Variants in EXOC4 observed in about 807,000 individuals in gnomAD.
EXOC4 encodes SEC8-like 1.
EXOC4 carries 71 observed loss-of-function variants against 107.2 expected under a neutral mutation model. The observed-to-expected ratio is 0.66, with a 90% CI of 0.55 to 0.81. The LOEUF (loss-of-function observed/expected upper bound fraction) is 0.81, where lower values mean the gene tolerates loss of function less well. Among genes scored for constraint, EXOC4 ranks in the 30% least tolerant of loss-of-function variants. EXOC4 has a pLI of 0.00. For missense variants in EXOC4, 1,108 were observed against 1,189.6 expected, an observed-to-expected ratio of 0.93 and a Z score of 1.01; for synonymous variants, 456 against 441.2, an observed-to-expected ratio of 1.03 and a Z score of -0.42.
intron 17 of EXOC4, among the ~76,000 whole-genome samples, chr7:134,030,522 C>T (rs1297090638): frequency 6.6e-6 from 1 of 152,130 alleles, no homozygotes; most frequent in South Asian, 2.1e-4. Flanking sequence ...GCTAGAGGAC[C>T]CCACAGCTTA....
intron 5 of EXOC4, among the ~76,000 whole-genome samples, chr7:133,349,142 T>A (rs1011510110): frequency 4.2e-5 from 6 of 141,654 alleles, no homozygotes; most frequent in Non-Finnish European, 7.8e-5. Flanking sequence ...TTTTTTTTTT[T>A]ATTGTGGTAA....
chr7:133,616,237 C>G (rs1006459617), intron 9 of EXOC4, among the ~76,000 whole-genome samples: 2 of 152,060 alleles, frequency 1.3e-5, no homozygotes, highest in Non-Finnish European at 2.9e-5. Flanking sequence ...TTTGGTTTAT[C>G]TTGTAATAGC....
chr7:133,572,954 A>G (rs1801055034), intron 9 of EXOC4, among the ~76,000 whole-genome samples: 1 of 152,184 alleles, frequency 6.6e-6, no homozygotes, highest in Non-Finnish European at 1.5e-5. Flanking sequence ...TGAATTTTTG[A>G]GTTAGACGTC....
chr7:133,669,553 CA>C (rs1793899026), intron 10 of EXOC4, among the ~76,000 whole-genome samples: 1 of 145,178 alleles, frequency 6.9e-6, no homozygotes, highest in Admixed American at 7.0e-5. Context: ...AAATAATATT[CA>C]AACACAGCAG....
intron 3 of EXOC4, among the ~76,000 whole-genome samples, chr7:133,291,383 A>AT (rs372299756): frequency 0.012 from 1,580 of 132,476 alleles, 19 homozygotes; most frequent in African/African-American, 0.019. Flanking sequence ...TTGTTATGTG[A>AT]TTTTTTTTTT....
intron 11 of EXOC4, among the ~76,000 whole-genome samples, chr7:133,865,845 C>A (rs1435540534): frequency 2.6e-5 from 4 of 152,178 alleles, no homozygotes; most frequent in African/African-American, 9.7e-5. Context: ...TCTCACCAAG[C>A]CCCTCTTCCA....
At chr7:133,408,975 C>T (rs1410036708) in intron 7 of EXOC4, among the ~76,000 whole-genome samples, 4 of 152,002 alleles carry the variant, frequency 2.6e-5, no homozygotes, top group Admixed American at 2.6e-4. Context: ...GTGTTAGGAC[C>T]ATCTTATATA....
intron 14 of EXOC4, among the ~76,000 whole-genome samples, chr7:133,951,378 A>G (rs549384611): frequency 2.0e-5 from 3 of 152,356 alleles, no homozygotes; most frequent in Admixed American, 6.5e-5. Flanking sequence ...CAACTAACGT[A>G]TACACAACAC....
intron 10 of EXOC4, among the ~76,000 whole-genome samples, chr7:133,753,736 C>CCTAG (rs1185546287): frequency 2.6e-5 from 4 of 152,134 alleles, no homozygotes; most frequent in Non-Finnish European, 4.4e-5. Context: ...TCTCACTGTA[C>CCTAG]CTAGCATGCT....
chr7:133,787,347 G>A (rs187054141), intron 10 of EXOC4, among the ~76,000 whole-genome samples: 860 of 18,088 alleles, frequency 0.048, 7 homozygotes, highest in South Asian at 0.14. Context: ...GTGTGTGTGT[G>A]TGTGTGTGTG....
chr7:134,094,801 C>T, the EXOC4 span, among the ~76,000 whole-genome samples: 3 of 151,868 alleles, frequency 2.0e-5, no homozygotes, highest in Non-Finnish European at 4.4e-5. Flanking sequence ...ATAATAAAAA[C>T]CCCAACAAAC....
intron 13 of EXOC4, among the ~76,000 whole-genome samples, chr7:133,920,572 A>G (rs1032067679): frequency 2.0e-5 from 3 of 152,324 alleles, no homozygotes; most frequent in African/African-American, 7.2e-5. Flanking sequence ...GTACCTTATA[A>G]CAGAGTATTC....
At chr7:133,669,261 C>T (rs929786678) in intron 10 of EXOC4, among the ~76,000 whole-genome samples, 37 of 151,968 alleles carry the variant, frequency 2.4e-4, no homozygotes, top group African/African-American at 8.4e-4. Context: ...GGAGGAGCCG[C>T]GGGATGTAAG....
At chr7:134,003,865 C>T (rs1794582455) in intron 15 of EXOC4, among the ~76,000 whole-genome samples, 1 of 152,062 alleles carries the variant, frequency 6.6e-6, no homozygotes, top group Non-Finnish European at 1.5e-5. Flanking sequence ...CAATCCATAC[C>T]CACCTCAGAC....
At chr7:133,526,616 C>A (rs1218577089) in intron 9 of EXOC4, among the ~76,000 whole-genome samples, 1 of 152,160 alleles carries the variant, frequency 6.6e-6, no homozygotes, top group Non-Finnish European at 1.5e-5. Flanking sequence ...TGTCCCTGGG[C>A]CCAGTAGAGA....
intron 10 of EXOC4, among the ~76,000 whole-genome samples, chr7:133,737,406 TTG>T (rs1283846404): frequency 6.6e-6 from 1 of 151,944 alleles, no homozygotes; most frequent in African/African-American, 2.4e-5. Context: ...TTTTTTTTTT[TTG>T]GACATTTCTT....
chr7:133,671,474 G>A (rs936565212), intron 10 of EXOC4, among the ~76,000 whole-genome samples: 33 of 152,140 alleles, frequency 2.2e-4, no homozygotes, highest in Admixed American at 6.5e-4. Flanking sequence ...GACTGAGGCA[G>A]GAGAATCACT....
rs1798452709 is a variant in EXOC4, at chr7:133,455,896, A to G, written c.1183-19432A>G. 2.0e-5 allele frequency among the ~76,000 whole-genome samples: 3 copies of G among 152,220 alleles called. No homozygotes were observed. In the South Asian group the frequency reaches 6.2e-4, roughly 31 times the overall value. ...TCTTGCCATGTCTATTGTATCCCAAATCATACACCTTTATTATTTATTAAC... is the reference window on the plus strand; with the variant it reads ...TCTTGCCATGTCTATTGTATCCCAAGTCATACACCTTTATTATTTATTAAC... On this transcript the variant is annotated intron_variant, in intron 7 of 17. Coordinates refer to ENST00000253861, the MANE Select transcript of EXOC4 (RefSeq NM_021807.4).
chr7:134,039,722 A>AT (rs1795470864), intron 17 of EXOC4, among the ~76,000 whole-genome samples: 1 of 152,184 alleles, frequency 6.6e-6, no homozygotes, highest in African/African-American at 2.4e-5. Context: ...AAGAGTTTAC[A>AT]TGCAAAGCTC....
Sources: allele counts gnomAD v4.1 joint callset (sites outside exome capture counted in the v4.1 genomes callset), GRCh38; gene constraint gnomAD v4.1.1; transcripts MANE v1.5; gene names NCBI Gene and HGNC (gene_info 2026-07-23, HGNC 2026-07-21).